PLCB2: variants seen among roughly 807,000 people sequenced by gnomAD.
PLCB2 encodes 1-phosphatidylinositol 4,5-bisphosphate phosphodiesterase beta-2.
In PLCB2, 115 loss-of-function variants were observed where a neutral mutation model predicts 141.7. The observed-to-expected ratio is 0.81, with a 90% CI of 0.70 to 0.95. PLCB2 has a LOEUF of 0.95. Ranked by LOEUF, PLCB2 falls within the 40% of genes least tolerant of loss-of-function variation. The pLI, the probability that PLCB2 is intolerant of heterozygous loss-of-function variation, is 0.00. For synonymous variants in PLCB2, 603 were observed against 595.6 expected (o/e 1.01, Z -0.18); for missense variants, 1,403 against 1,541.1 (o/e 0.91, Z 1.50).
Position 40,295,276 on chromosome 15 carries a change from C to A in PLCB2, c.1706G>T (p.Arg569Leu), listed in dbSNP as rs189784842. ...VSFEFSAQKNRSYVISSFTEL... is the reference protein window; with the variant it reads ...VSFEFSAQKNLSYVISSFTEL... The stretch of plus-strand genomic sequence containing the variant: ...TGTGAAGGACGAGATGACATAACTT[C>A]GGTTCTTTTCTATATAGGGGAGAAA... The change falls in exon 17 of 32, where the codon CGA becomes CTA. Residue 569 changes from arginine to leucine, a missense_variant. Physicochemically the swap from Arg to Leu is moderately radical, Grantham distance 102. This residue lies in a region of PLCB2 where 975 missense variants were observed against 1,141.1 expected (regional missense o/e 0.85). Coordinates refer to ENST00000260402, the MANE Select transcript of PLCB2 (RefSeq NM_004573.3). 125 of 1,612,280 alleles carry A rather than the reference C, an allele frequency of 7.8e-5. No homozygotes were observed. Among genetic ancestry groups the A allele is most frequent in the Non-Finnish European group, 9.7e-5 (114 of 1,178,418 alleles).
chr15:40,293,815 C>A, intron 19 of PLCB2, 91 bp from the exon 20 acceptor site: 1 of 1,331,462 alleles, frequency 7.5e-7, no homozygotes, highest in Non-Finnish European at 1.0e-6. Context: ...AGAGCTGAAG[C>A]ATTCGTTCTT....
At position 40,302,122 on chromosome 15, in the gene PLCB2, G is replaced by T; in HGVS notation, c.506+14C>A. On this transcript the variant is annotated intron_variant, in intron 6 of 31. Transcript: ENST00000260402. ...GGAGCCCCTGGAAGCCTGGGGAGGG[G>T]TTGGGGGGCTCACTTCTTCACCGGA... The T allele has an allele frequency of 6.2e-7, 1 of 1,612,368 alleles. No homozygotes were observed. Among genetic ancestry groups the T allele is most frequent in the Non-Finnish European group, 8.5e-7 (1 of 1,178,816 alleles).
In PLCB2 at chr15:40,291,663, C is replaced by T. The variant is rs73391381; in HGVS notation, c.2603-13G>A. 3.1e-3 allele frequency: 4,993 copies of T among 1,612,306 alleles called. 144 individuals are homozygous for T. In the African/African-American group the frequency reaches 0.059, roughly 19 times the overall value. Reference sequence around the variant, plus strand: ...CCGGCCCTGGCTGCTGCAAGAGCCACGGGCTGGGCTGTCAGGTGCTCTGGG... The same window carrying T: ...CCGGCCCTGGCTGCTGCAAGAGCCATGGGCTGGGCTGTCAGGTGCTCTGGG... On this transcript the variant is annotated splice_polypyrimidine_tract_variant and intron_variant, in intron 24 of 31. Coordinates refer to ENST00000260402, the MANE Select transcript of PLCB2 (RefSeq NM_004573.3).
At position 40,288,160 on chromosome 15, in the gene PLCB2, C is replaced by T. The variant is rs1391349775; in HGVS notation, c.*555G>A. Reference sequence around the variant, plus strand: ...GCTTTTCCATTTCAGCCTCCCGTTCCGGACAGGCAGAGGGGAGGGGAGGGC... The same window carrying T: ...GCTTTTCCATTTCAGCCTCCCGTTCTGGACAGGCAGAGGGGAGGGGAGGGC... On this transcript the variant is annotated 3_prime_UTR_variant, in exon 32 of 32. Coordinates refer to ENST00000260402, the MANE Select transcript of PLCB2 (RefSeq NM_004573.3). 7 of 985,528 alleles carry T rather than the reference C, an allele frequency of 7.1e-6. No individual in the cohort carries two copies. The highest frequency in any genetic ancestry group is 1.1e-4 in the East Asian group (1 of 8,818). 61.0% of individuals were successfully genotyped at this position (985,528 alleles called of 1,614,324 possible).
At position 40,307,446 on chromosome 15, in the gene PLCB2, A is replaced by G. The variant is rs191891917; in HGVS notation, c.84+143T>C. 1.6e-3 allele frequency: 837 copies of G among 514,022 alleles called. 5 individuals are homozygous for G. Among genetic ancestry groups the G allele is most frequent in the Admixed American group, 9.2e-3 (245 of 26,762 alleles). 31.8% of individuals were successfully genotyped at this position (514,022 alleles called of 1,614,324 possible). A position where few individuals can be genotyped will look rare whatever the true frequency, so the allele number is the denominator to read the frequency against. ...TAATCCCAGGTTTGTTTATCCAAGC[A>G]GTGGTGTCAGCTGCCTGGCCAAACC... On this transcript the variant is annotated intron_variant, in intron 1 of 31. Coordinates refer to ENST00000260402, the MANE Select transcript of PLCB2 (RefSeq NM_004573.3).
At chr15:40,289,130 T>C in intron 31 of PLCB2, 142 bp downstream of exon 31, 1 of 1,011,610 alleles carries the variant, frequency 9.9e-7, no homozygotes, top group Non-Finnish European at 1.5e-6. Context: ...AGCTGCCTCA[T>C]TTGAAAGGGC....
At position 40,298,971 on chromosome 15, in the gene PLCB2, GCC is replaced by G; in HGVS notation, c.684-9_684-8del. On this transcript the variant is annotated splice_polypyrimidine_tract_variant and splice_region_variant and intron_variant, in intron 8 of 31. Transcript: ENST00000260402. ...GGGTTTGGCCTTAGCATGGCTTCAA[GCC>G]AGAGAGAAGAGCACAGGTCCATATC... 6.2e-7 allele frequency: 1 copy of G among 1,602,352 alleles called. No homozygotes were observed. Among genetic ancestry groups the G allele is most frequent in the African/African-American group, 1.4e-5 (1 of 73,420 alleles).
intron 17 of PLCB2, 66 bp from the exon 18 acceptor site, chr15:40,295,126 G>A: frequency 6.2e-7 from 1 of 1,611,274 alleles, no homozygotes; most frequent in Non-Finnish European, 8.5e-7. Flanking sequence ...GCTTACCCTG[G>A]GGGCCCTGTC....
rs1162034643 is a variant in PLCB2 at position 40,291,176 on chromosome 15, G to A, written c.2878C>T (p.Pro960Ser). ...GKGSRKKRSL[P>S]REESAGAAPG... Reference sequence around the variant, plus strand: ...GCGGCTCCGGCGCTCTCCTCGCGGGGCAGGCTCCTGGGGAGGCCACGTGGG... The same window carrying A: ...GCGGCTCCGGCGCTCTCCTCGCGGGACAGGCTCCTGGGGAGGCCACGTGGG... Residue 960 changes from proline to serine, a missense_variant, in exon 27 of 32, where the codon CCC (proline) becomes TCC (serine). By Grantham distance (74) the Pro-to-Ser change is moderately conservative. Around this residue, in one of 4 missense-constraint regions of PLCB2, gnomAD observed 290 missense variants for 245.9 expected, o/e 1.18. Coordinates refer to ENST00000260402, the MANE Select transcript of PLCB2 (RefSeq NM_004573.3). The A allele has an allele frequency of 2.5e-6, 4 of 1,571,118 alleles. No individual in the cohort carries two copies. The East Asian group carries it at 6.9e-5, about 27-fold the overall frequency.
rs1267861890 is a variant in PLCB2 at position 40,297,499 on chromosome 15, T to C, written c.1323+22A>G. On this transcript the variant is annotated intron_variant, in intron 13 of 31. Coordinates refer to ENST00000260402, the MANE Select transcript of PLCB2 (RefSeq NM_004573.3). This position sits in a 1 kb window ranked among gnomAD's most constrained non-coding sequence, Gnocchi z 4.2. Reference sequence around the variant, plus strand: ...GGTTCCCAGGCCCAAGGCTCAAATGTCCCACAGCGAAGCCCACTCACTGGG... The same window carrying C: ...GGTTCCCAGGCCCAAGGCTCAAATGCCCCACAGCGAAGCCCACTCACTGGG... 1 of 1,587,834 alleles carries C rather than the reference T, an allele frequency of 6.3e-7. No homozygotes were observed. Among genetic ancestry groups the C allele is most frequent in the African/African-American group, 1.3e-5 (1 of 74,608 alleles).
intron 23 of PLCB2, 27 bp downstream of exon 23, chr15:40,292,037 C>G (rs772877823): frequency 9.3e-6 from 15 of 1,609,954 alleles, no homozygotes; most frequent in Non-Finnish European, 1.3e-5. Flanking sequence ...CTGGTGAGCC[C>G]CTGGCAGCAG....
rs1483106660 is a variant in PLCB2, at chr15:40,291,368, G to C, written c.2767C>G (p.Leu923Val). 16 of 1,526,270 alleles carry C rather than the reference G, an allele frequency of 1.0e-5. No individual in the cohort carries two copies. The Admixed American group carries it at 3.2e-4, about 30-fold the overall frequency. The allele number at this position is 1,526,270 out of a possible 1,614,324, so 94.5% of individuals were successfully genotyped here. Residue 923 changes from leucine (L) to valine (V), a missense_variant, in exon 26 of 32, where the codon CTG becomes GTG. Leu to Val is a conservative substitution (Grantham distance 32). Transcript: ENST00000260402. ...AGCTGCGCCGCGCCCCGCTGCAGCA[G>C]CTCCTCCCAGCGCCGCGCTCCGCGC... ...ERRGARRWEE[L>V]LQRGAAQLAE...
At chr15:40,289,180 TACCCTCTCACTGGCA>T in intron 31 of PLCB2, 77 bp downstream of exon 31, 1 of 1,191,170 alleles carries the variant, frequency 8.4e-7, no homozygotes, top group South Asian at 1.3e-5. Context: ...CCCCTTCCCC[TACCCTCTCACTGGCA>T]GCTCCCTGGG....
In PLCB2 at chr15:40,293,016, G is replaced by T. The variant is rs369138015; in HGVS notation, c.2236C>A (p.Pro746Thr). 2 of 1,597,844 alleles carry T rather than the reference G, an allele frequency of 1.3e-6. No individual in the cohort carries two copies. The highest frequency in any genetic ancestry group is 2.2e-5 in the South Asian group (2 of 88,982). ...EPFVFEKILM[P>T]ELASLRVAVM... is the part of the protein sequence containing the mutation. Reference sequence around the variant, plus strand: ...GCCACTCTGAGGGAGGCCAGCTCAGGCATCAAGATCTGGGGAGAGTTGGGG... The same window carrying T: ...GCCACTCTGAGGGAGGCCAGCTCAGTCATCAAGATCTGGGGAGAGTTGGGG... The change falls in exon 21 of 32, where the codon CCT (proline) becomes ACT (threonine). Residue 746 changes from proline (P) to threonine (T), a missense_variant. Pro to Thr is a conservative substitution (Grantham distance 38). Transcript: ENST00000260402.
chr15:40,296,594 C>G lies in PLCB2; in HGVS notation c.1527G>C (p.Glu509Asp), dbSNP rs1488186564. The change falls in exon 15 of 32, where the codon GAG (glutamate) becomes GAC (aspartate). Residue 509 changes from glutamate to aspartate, a missense_variant. By Grantham distance (45) the Glu-to-Asp change is conservative. Coordinates refer to ENST00000260402, the MANE Select transcript of PLCB2 (RefSeq NM_004573.3). ...GEEGTELEEEEVEEEEEEESG... is the reference protein window; with the variant it reads ...GEEGTELEEEDVEEEEEEESG... ...ACTCCTCCTCCTCTTCCTCTTCCAC[C>G]TCCTCCTCCTCCAGCTCAGTCCCTT... 2 of 1,610,460 alleles carry G rather than the reference C, an allele frequency of 1.2e-6. No individual in the cohort carries two copies. The highest frequency in any genetic ancestry group is 1.1e-5 in the South Asian group (1 of 90,874).
At chr15:40,292,465 G>A in intron 21 of PLCB2, 22 bp from the exon 22 acceptor site, 5 of 1,563,096 alleles carry the variant, frequency 3.2e-6, no homozygotes, top group Non-Finnish European at 2.6e-6. Flanking sequence ...GACAGGGTAG[G>A]CAGTGAGCCA....
At chr15:40,305,905 T>C (rs1203336605) in intron 1 of PLCB2, among the ~76,000 whole-genome samples, 1 of 152,204 alleles carries the variant, frequency 6.6e-6, no homozygotes, top group Non-Finnish European at 1.5e-5. Flanking sequence ...GCAGCCTACC[T>C]GAAACCATTC....
intron 1 of PLCB2, 89 bp downstream of exon 1, chr15:40,307,500 A>G: frequency 1.3e-6 from 1 of 794,042 alleles, no homozygotes; most frequent in Non-Finnish European, 2.0e-6. Flanking sequence ...TAGGAGACAT[A>G]AACCAATCCT....
In PLCB2 at chr15:40,296,572, C is replaced by A. The variant is rs2040229850; in HGVS notation, c.1549G>T (p.Glu517Ter). 1.1e-5 allele frequency: 18 copies of A among 1,613,198 alleles called. No homozygotes were observed. Among genetic ancestry groups the A allele is most frequent in the Non-Finnish European group, 1.5e-5 (18 of 1,179,344 alleles). The change falls in exon 15 of 32, where the codon GAG becomes TAG. Residue 517 changes from glutamate (E) to a stop codon, truncating the protein, a stop_gained. Coordinates refer to ENST00000260402, the MANE Select transcript of PLCB2 (RefSeq NM_004573.3). LOFTEE classifies it high-confidence loss of function. ...TCTTCTTCATCCAGGTTTCCTGACT[C>A]CTCCTCCTCTTCCTCTTCCACCTCC... ...EEEVEEEEEE[E>*]SGNLDEEEIK... is the part of the protein sequence containing the mutation.
Sources: gnomAD v4.1 joint callset for allele counts (sites outside exome capture counted in the v4.1 genomes callset) on GRCh38, gnomAD v4.1.1 for gene constraint, gnomAD v4.1.1 regional missense constraint, Gnocchi (gnomAD v3.1) non-coding constraint, MANE v1.5 for transcripts, NCBI Gene and HGNC (gene_info 2026-07-23, HGNC 2026-07-21) for gene names.